The following GRIA1 variants were observed in gnomAD, a reference collection of about 807,000 sequenced individuals.
GRIA1 encodes glutamate receptor 1.
GRIA1 carries 31 observed loss-of-function variants against 99.2 expected under a neutral mutation model. That is an observed-to-expected ratio of 0.31 (90% CI 0.23 to 0.42). The LOEUF (loss-of-function observed/expected upper bound fraction) is 0.42, where lower values mean the gene tolerates loss of function less well. GRIA1 is among the 10% of genes least tolerant of loss of function. The pLI, the probability that GRIA1 is intolerant of heterozygous loss-of-function variation, is 1.00. For synonymous variants in GRIA1, 438 were observed against 432.4 expected, an observed-to-expected ratio of 1.01 and a Z score of -0.16; for missense variants, 782 against 1,157.5, an observed-to-expected ratio of 0.68 and a Z score of 4.71.
At chr5:153,757,089 A>G (rs995302908) in intron 11 of GRIA1, among the ~76,000 whole-genome samples, 1 of 152,222 alleles carries the variant, frequency 6.6e-6, no homozygotes, top group African/African-American at 2.4e-5. Flanking sequence ...AAATTCAGCA[A>G]TTTAACAGAG....
intron 4 of GRIA1, among the ~76,000 whole-genome samples, chr5:153,651,152 C>T (rs1490500571): frequency 4.6e-5 from 7 of 152,224 alleles, no homozygotes; most frequent in African/African-American, 1.4e-4. Flanking sequence ...ATATTAGGAA[C>T]ACAGCTTATA....
intron 11 of GRIA1, among the ~76,000 whole-genome samples, chr5:153,753,890 G>T (rs1443561602): frequency 6.6e-6 from 1 of 152,170 alleles, no homozygotes; most frequent in Non-Finnish European, 1.5e-5. Flanking sequence ...ATCATAAAAA[G>T]TAATGCTTTG....
At chr5:153,544,647 G>A (rs1463355144) in intron 2 of GRIA1, among the ~76,000 whole-genome samples, 1 of 152,146 alleles carries the variant, frequency 6.6e-6, no homozygotes, top group Non-Finnish European at 1.5e-5. Context: ...TAGAGAAATA[G>A]GTAAATAGTC....
upstream of GRIA1, chr5:153,490,547 T>A (rs760292926): frequency 1.1e-5 from 4 of 372,746 alleles, no homozygotes; most frequent in African/African-American, 2.1e-5. Flanking sequence ...CCTGTGTGAG[T>A]GTGAGGGGGA....
intron 2 of GRIA1, among the ~76,000 whole-genome samples, chr5:153,607,230 T>C (rs929501497): frequency 2.0e-5 from 3 of 151,772 alleles, no homozygotes; most frequent in Admixed American, 1.3e-4. Context: ...CCTTCTATAC[T>C]ATTGACATTG....
At chr5:153,664,069 C>A (rs890606281) in intron 5 of GRIA1, among the ~76,000 whole-genome samples, 2 of 152,194 alleles carry the variant, frequency 1.3e-5, no homozygotes, top group African/African-American at 4.8e-5. Flanking sequence ...CTAATTTTGG[C>A]AGATGGTTGG....
intron 12 of GRIA1, among the ~76,000 whole-genome samples, chr5:153,769,926 A>G (rs1763762051): frequency 2.0e-5 from 3 of 152,084 alleles, no homozygotes; most frequent in African/African-American, 4.8e-5. Context: ...GAATATAATT[A>G]CTCAGAAGTA....
chr5:153,616,955 CAG>C (rs1766565443), intron 2 of GRIA1, among the ~76,000 whole-genome samples: 1 of 152,172 alleles, frequency 6.6e-6, no homozygotes, highest in Non-Finnish European at 1.5e-5. Context: ...AGGAACTCAG[CAG>C]AGTGTCTGTT....
At chr5:153,727,273 A>G (rs1760623773) in intron 11 of GRIA1, among the ~76,000 whole-genome samples, 1 of 152,180 alleles carries the variant, frequency 6.6e-6, no homozygotes, top group African/African-American at 2.4e-5. Flanking sequence ...ACCCACAGCC[A>G]ATATCATACT....
At chr5:153,513,598 G>T (rs553535512) in intron 2 of GRIA1, among the ~76,000 whole-genome samples, 1 of 152,274 alleles carries the variant, frequency 6.6e-6, no homozygotes, top group South Asian at 2.1e-4. Context: ...CCTCAGTTTT[G>T]TCGCTGATTA....
intron 13 of GRIA1, among the ~76,000 whole-genome samples, chr5:153,784,756 A>G (rs531028869): frequency 3.3e-5 from 5 of 152,308 alleles, no homozygotes; most frequent in African/African-American, 1.2e-4. Context: ...TTGTCTGCCC[A>G]GTCAGTTTAC....
At chr5:153,578,690 C>T (rs530262024) in intron 2 of GRIA1, among the ~76,000 whole-genome samples, 117 of 152,264 alleles carry the variant, frequency 7.7e-4, no homozygotes, top group African/African-American at 2.0e-3. Flanking sequence ...GGGTGGATCA[C>T]GAGGTCAGGA....
intron 5 of GRIA1, among the ~76,000 whole-genome samples, chr5:153,674,038 G>A (rs1029773872): frequency 1.3e-5 from 2 of 152,200 alleles, no homozygotes; most frequent in African/African-American, 4.8e-5. Context: ...CTCTCAAAAT[G>A]GTTGGGTATT....
At position 153,743,528 on chromosome 5, in the gene GRIA1, G is replaced by A. The variant is rs755088195; in HGVS notation, c.1824-20906G>A. Among the ~76,000 whole-genome samples, 4 of 152,068 alleles carry A rather than the reference G, an allele frequency of 2.6e-5. No individual in the cohort carries two copies. The East Asian group carries it at 7.7e-4, about 29-fold the overall frequency. On this transcript the variant is annotated intron_variant, in intron 11 of 15. Transcript: ENST00000285900. ...CCATTTTCTTGCTGGCTGCCACTGGGGACCACTCTCAGTTTCTTGAGGCCA... is the reference window on the plus strand; with the variant it reads ...CCATTTTCTTGCTGGCTGCCACTGGAGACCACTCTCAGTTTCTTGAGGCCA...
At chr5:153,599,272 G>C (rs913416364) in intron 2 of GRIA1, among the ~76,000 whole-genome samples, 1 of 152,172 alleles carries the variant, frequency 6.6e-6, no homozygotes, top group African/African-American at 2.4e-5. Flanking sequence ...ACCTCAACTA[G>C]ATTATTTTGT....
In GRIA1 at chr5:153,813,389, C is replaced by T. The variant is rs1348548195; in HGVS notation, c.*2164C>T. Reference sequence around the variant, plus strand: ...TTGCCTTTGGCCTAGTAAGATGCCTCTCCAGCTACTGAGCCCACAAGTAAC... The same window carrying T: ...TTGCCTTTGGCCTAGTAAGATGCCTTTCCAGCTACTGAGCCCACAAGTAAC... On this transcript the variant is annotated 3_prime_UTR_variant, in exon 16 of 16. Transcript: ENST00000285900. The T allele has an allele frequency of 6.6e-6, 1 of 152,190 alleles. No individual in the cohort carries two copies. The highest frequency in any genetic ancestry group is 1.5e-5 in the Non-Finnish European group (1 of 68,058). The allele number at this position is 152,190 out of a possible 1,614,324, so 9.4% of individuals were successfully genotyped here. A position where few individuals can be genotyped will look rare whatever the true frequency, so the allele number is the denominator to read the frequency against.
chr5:153,655,887 G>A lies in GRIA1; in HGVS notation c.699+15G>A. Reference sequence around the variant, plus strand: ...TTGCAAATCTGGTGAGTAGAGCACTGCAGGCTCTCAGCTCAAGTCCTTTCC... The same window carrying A: ...TTGCAAATCTGGTGAGTAGAGCACTACAGGCTCTCAGCTCAAGTCCTTTCC... On this transcript the variant is annotated intron_variant, in intron 5 of 15. Transcript: ENST00000285900. 1 of 1,609,046 alleles carries A rather than the reference G, an allele frequency of 6.2e-7. No individual in the cohort carries two copies. The highest frequency in any genetic ancestry group is 8.5e-7 in the Non-Finnish European group (1 of 1,175,680).
chr5:153,499,873 T>C (rs910312403), intron 2 of GRIA1, among the ~76,000 whole-genome samples: 3 of 152,116 alleles, frequency 2.0e-5, no homozygotes, highest in African/African-American at 7.2e-5. Context: ...AAAGTCACAA[T>C]ATTCCTCCTC....
intron 2 of GRIA1, among the ~76,000 whole-genome samples, chr5:153,511,002 C>T (rs1344274683): frequency 1.3e-5 from 2 of 152,140 alleles, no homozygotes; most frequent in Non-Finnish European, 1.5e-5. Context: ...ATAAGGGGTG[C>T]TGTGTTTTAG....
Sources: gnomAD v4.1 joint callset for allele counts (sites outside exome capture counted in the v4.1 genomes callset) on GRCh38, gnomAD v4.1.1 for gene constraint, MANE v1.5 for transcripts, NCBI Gene and HGNC (gene_info 2026-07-23, HGNC 2026-07-21) for gene names.